Variants in PLCB1 observed in about 807,000 individuals in gnomAD.
The protein encoded by PLCB1 is phospholipase C beta 1.
PLCB1 carries 46 observed loss-of-function variants against 161.8 expected under a neutral mutation model. The ratio of observed to expected loss-of-function variants is 0.28; its 90% CI spans 0.22 to 0.36. The LOEUF (loss-of-function observed/expected upper bound fraction) is 0.36, where lower values mean the gene tolerates loss of function less well. Ranked by LOEUF, PLCB1 falls within the 10% of genes least tolerant of loss-of-function variation. PLCB1 has a pLI of 1.00. For missense variants in PLCB1, 1,016 were observed against 1,472.5 expected, an observed-to-expected ratio of 0.69 and a Z score of 5.07; for synonymous variants, 517 against 503.7, an observed-to-expected ratio of 1.03 and a Z score of -0.35.
At position 8,628,307 on chromosome 20, in the gene PLCB1, G is replaced by A. The variant is rs750475493; in HGVS notation, c.260G>A (p.Arg87His). Residue 87 changes from arginine to histidine, a missense_variant, in exon 4 of 32, where the codon CGT (arginine) becomes CAT (histidine). Arg to His is a conservative substitution (Grantham distance 29). This residue lies in a region of PLCB1 where 181 missense variants were observed against 236.7 expected (regional missense o/e 0.76). Coordinates refer to ENST00000338037, the MANE Select transcript of PLCB1 (RefSeq NM_015192.4). ...TTTATTACCCAGGACCCCAAATTAC[G>A]TGAACTTTTGGATGTGGGGAACATC... ...HAKAPKDPKL[R>H]ELLDVGNIGR... 2.5e-6 allele frequency: 4 copies of A among 1,613,424 alleles called. No homozygotes were observed. Among genetic ancestry groups the A allele is most frequent in the East Asian group, 2.2e-5 (1 of 44,880 alleles).
intron 9 of PLCB1, among the ~76,000 whole-genome samples, chr20:8,672,029 CCTT>C (rs1416540133): frequency 6.6e-6 from 1 of 152,152 alleles, no homozygotes; most frequent in Non-Finnish European, 1.5e-5. Context: ...TTGTTATTTA[CCTT>C]CTTCTATCAC....
chr20:8,728,382 T>G (rs529454265), intron 17 of PLCB1, among the ~76,000 whole-genome samples: 20 of 152,102 alleles, frequency 1.3e-4, no homozygotes, highest in African/African-American at 4.6e-4. Context: ...CATAGCATGG[T>G]CCAACAACTA....
intron 2 of PLCB1, among the ~76,000 whole-genome samples, chr20:8,183,814 T>A (rs1042855480): frequency 6.6e-6 from 1 of 152,132 alleles, no homozygotes; most frequent in Admixed American, 6.5e-5. Flanking sequence ...TAATTTAAGC[T>A]TATCAGCATT....
chr20:8,779,712 A>G (rs906286113), intron 27 of PLCB1, among the ~76,000 whole-genome samples: 1 of 152,172 alleles, frequency 6.6e-6, no homozygotes. Flanking sequence ...GTCTTGTCAT[A>G]TGGTCAAGTT....
chr20:8,177,794 A>G (rs951488616), intron 2 of PLCB1, among the ~76,000 whole-genome samples: 1 of 152,122 alleles, frequency 6.6e-6, no homozygotes, highest in South Asian at 2.1e-4. Context: ...CACCCAGGTA[A>G]TAAGCATAGT....
chr20:8,753,127 C>G (rs549115138), intron 23 of PLCB1, among the ~76,000 whole-genome samples: 1 of 152,150 alleles, frequency 6.6e-6, no homozygotes, highest in African/African-American at 2.4e-5. Flanking sequence ...TGACCTGTTA[C>G]TGTTTCCCAT....
intron 20 of PLCB1, 128 bp from the exon 21 acceptor site, chr20:8,739,124 CTGGGTGACA>C: frequency 9.2e-6 from 6 of 654,180 alleles, no homozygotes; most frequent in Non-Finnish European, 1.7e-5. Context: ...GCACTTCAGC[CTGGGTGACA>C]CAGCAAGACT....
intron 3 of PLCB1, among the ~76,000 whole-genome samples, chr20:8,465,638 A>G (rs1335887918): frequency 6.6e-6 from 1 of 152,146 alleles, no homozygotes; most frequent in Non-Finnish European, 1.5e-5. Context: ...ATGTCTCTTC[A>G]GAGTCTTTAG....
rs142245150 is a variant in PLCB1, at chr20:8,538,713, C to T, written c.247-89581C>T. 3.3e-3 allele frequency among the ~76,000 whole-genome samples: 498 copies of T among 151,932 alleles called. 3 individuals are homozygous for T. The highest frequency in any genetic ancestry group is 0.012 in the African/African-American group (478 of 41,462). ...TATTTATTGATATCAAAGTACAATGCACCAATTCTGTGACCAGAAAATGAG... is the reference window on the plus strand; with the variant it reads ...TATTTATTGATATCAAAGTACAATGTACCAATTCTGTGACCAGAAAATGAG... On this transcript the variant is annotated intron_variant, in intron 3 of 31. Coordinates refer to ENST00000338037, the MANE Select transcript of PLCB1 (RefSeq NM_015192.4).
intron 2 of PLCB1, chr20:8,305,888 A>G (rs1052027336): frequency 3.9e-5 from 6 of 152,220 alleles, no homozygotes; most frequent in Non-Finnish European, 7.3e-5. Flanking sequence ...AGAGATGCAC[A>G]TGAGAAAACA....
At chr20:8,729,212 C>A in intron 18 of PLCB1, 38 bp downstream of exon 18, 1 of 1,525,388 alleles carries the variant, frequency 6.6e-7, no homozygotes, top group Non-Finnish European at 8.8e-7. Flanking sequence ...TATGAACTCA[C>A]ATTGCCAAGT....
At position 8,765,213 on chromosome 20, in the gene PLCB1, G is replaced by C. The variant is rs758788229; in HGVS notation, c.2785G>C (p.Glu929Gln). The C allele has an allele frequency of 1.3e-5, 21 of 1,613,858 alleles. No individual in the cohort carries two copies. The Admixed American group carries it at 3.3e-4, about 26-fold the overall frequency. The change falls in exon 26 of 32, where the codon GAA becomes CAA. Residue 929 changes from glutamate to glutamine, a missense_variant. Glu to Gln is a conservative substitution (Grantham distance 29). Coordinates refer to ENST00000338037, the MANE Select transcript of PLCB1 (RefSeq NM_015192.4). ...GAAACTTCAAAAGAAACACTACAAA[G>C]AAATGAAAGACCTGGTTAAGAGACA... ...FVKLQKKHYK[E>Q]MKDLVKRHHK...
At chr20:8,531,635 C>T (rs907245433) in intron 3 of PLCB1, among the ~76,000 whole-genome samples, 1 of 152,066 alleles carries the variant, frequency 6.6e-6, no homozygotes, top group African/African-American at 2.4e-5. Context: ...AATGCTTCTC[C>T]TATCTCTGTA....
At position 8,884,321 on chromosome 20, in the gene PLCB1, A is replaced by G. The variant is rs1439964767; in HGVS notation, c.*2472A>G. 2.6e-5 allele frequency: 4 copies of G among 152,626 alleles called. No homozygotes were observed. The highest frequency in any genetic ancestry group is 1.3e-4 in the Admixed American group (2 of 15,272). The allele number at this position is 152,626 out of a possible 1,614,324, so 9.5% of individuals were successfully genotyped here. A position where few individuals can be genotyped will look rare whatever the true frequency, so the allele number is the denominator to read the frequency against. ...GTATGATGTGCAGTTTTGTGCCTTT[A>G]TGTATTTGCCTTGTTCTTTGTCGAA... is the stretch of plus-strand genomic sequence containing the variant. On this transcript the variant is annotated 3_prime_UTR_variant, in exon 32 of 32. Coordinates refer to ENST00000338037, the MANE Select transcript of PLCB1 (RefSeq NM_015192.4).
chr20:8,753,203 T>C (rs980791315), intron 23 of PLCB1, among the ~76,000 whole-genome samples: 17 of 152,180 alleles, frequency 1.1e-4, no homozygotes, highest in African/African-American at 3.6e-4. Context: ...TTCTACATTA[T>C]GGTGAGTTGT....
At chr20:8,232,296 C>G (rs898858664) in intron 2 of PLCB1, among the ~76,000 whole-genome samples, 5 of 152,050 alleles carry the variant, frequency 3.3e-5, no homozygotes, top group Non-Finnish European at 5.9e-5. Flanking sequence ...CATCTGGACA[C>G]TTTCCTTAGG....
At chr20:8,179,927 C>T (rs1236059466) in intron 2 of PLCB1, among the ~76,000 whole-genome samples, 1 of 126,368 alleles carries the variant, frequency 7.9e-6, no homozygotes, top group Non-Finnish European at 1.6e-5. Context: ...GGCGGGATCT[C>T]GGCTCACTGC....
At chr20:8,791,778 T>C (rs1233767334) in intron 31 of PLCB1, among the ~76,000 whole-genome samples, 1 of 152,202 alleles carries the variant, frequency 6.6e-6, no homozygotes, top group Non-Finnish European at 1.5e-5. Flanking sequence ...GATTTTCTTG[T>C]TACTGCTCTA....
chr20:8,485,696 T>G (rs1982689562), intron 3 of PLCB1, among the ~76,000 whole-genome samples: 1 of 152,238 alleles, frequency 6.6e-6, no homozygotes, highest in Non-Finnish European at 1.5e-5. Flanking sequence ...AGCCTAGGGC[T>G]TATTCTGCTA....
Sources: gnomAD v4.1 joint callset for allele counts (sites outside exome capture counted in the v4.1 genomes callset) on GRCh38, gnomAD v4.1.1 for gene constraint, gnomAD v4.1.1 regional missense constraint, MANE v1.5 for transcripts, NCBI Gene and HGNC (gene_info 2026-07-23, HGNC 2026-07-21) for gene names.